Variants in PARP15 observed in about 807,000 individuals in gnomAD.
The protein encoded by PARP15 is poly(ADP-ribose) polymerase family member 15.
PARP15 carries 50 observed loss-of-function variants against 62.1 expected under a neutral mutation model. That is an observed-to-expected ratio of 0.81 (90% CI 0.64 to 1.02). The LOEUF (loss-of-function observed/expected upper bound fraction) is 1.02. Among genes scored for constraint, PARP15 ranks in the 50% least tolerant of loss-of-function variants. The probability of loss-of-function intolerance (pLI) is 0.00; values close to 1 mark genes in which losing one functional copy is unlikely to be tolerated. For missense variants in PARP15, 820 were observed against 826.5 expected, an observed-to-expected ratio of 0.99 and a Z score of 0.10; for synonymous variants, 309 against 293.1, an observed-to-expected ratio of 1.05 and a Z score of -0.55.
intron 6 of PARP15, 136 bp downstream of exon 6, chr3:122,617,300 T>A: frequency 1.1e-6 from 1 of 902,620 alleles, no homozygotes; most frequent in Non-Finnish European, 1.7e-6. Context: ...AAGACGTGGG[T>A]TGAATCCCAG....
intron 6 of PARP15, among the ~76,000 whole-genome samples, chr3:122,618,274 T>C (rs959796051): frequency 7.2e-5 from 11 of 152,132 alleles, no homozygotes; most frequent in Non-Finnish European, 1.2e-4. Flanking sequence ...TTTATCCCTG[T>C]CCCCTTTTGG....
intron 3 of PARP15, among the ~76,000 whole-genome samples, chr3:122,611,453 C>T (rs1368213490): frequency 6.6e-6 from 1 of 151,734 alleles, no homozygotes. Context: ...ATTCTCCTGC[C>T]TCAGCCTCCT....
At chr3:122,581,206 A>G (rs546471418) in intron 1 of PARP15, among the ~76,000 whole-genome samples, 1 of 152,250 alleles carries the variant, frequency 6.6e-6, no homozygotes, top group South Asian at 2.1e-4. Flanking sequence ...CCTGTTTTCA[A>G]TTCTTTTGTA....
rs553165363 is a variant in PARP15 at position 122,632,308 on chromosome 3, G to A, written c.1572+89G>A. On this transcript the variant is annotated intron_variant, in intron 10 of 11. Coordinates refer to ENST00000464300, the MANE Select transcript of PARP15 (RefSeq NM_001113523.3). ...TTTAAATAACACCCTTCCTTCCTTT[G>A]TACCTTACTATGTTTATTTTAACTG... is the stretch of plus-strand genomic sequence containing the variant. The A allele has an allele frequency of 3.0e-5, 37 of 1,242,562 alleles. No homozygotes were observed. The East Asian group carries it at 8.5e-4, about 29-fold the overall frequency. The allele number at this position is 1,242,562 out of a possible 1,614,324, so 77.0% of individuals were successfully genotyped here.
chr3:122,632,546 G>A (rs778394189), intron 10 of PARP15, among the ~76,000 whole-genome samples: 6 of 152,200 alleles, frequency 3.9e-5, no homozygotes, highest in African/African-American at 9.6e-5. Flanking sequence ...CTGATCCAGC[G>A]GCTTGATGGT....
At chr3:122,608,406 G>A (rs1263842659) in intron 2 of PARP15, among the ~76,000 whole-genome samples, 1 of 151,844 alleles carries the variant, frequency 6.6e-6, no homozygotes, top group Non-Finnish European at 1.5e-5. Context: ...AGTAGAGACC[G>A]GGTTTTGCCA....
rs566191534 is a variant in PARP15 at position 122,594,276 on chromosome 3, G to C, written c.187-11660G>C. ...TGATGGGACACTGCATTCCAGCCTA[G>C]GCAACAGAAAAACAACAACAACAAC... On this transcript the variant is annotated intron_variant, in intron 1 of 11. Coordinates refer to ENST00000464300, the MANE Select transcript of PARP15 (RefSeq NM_001113523.3). Among the ~76,000 whole-genome samples the C allele has an allele frequency of 3.3e-5, 5 of 152,098 alleles. No individual in the cohort carries two copies. In the South Asian group the frequency reaches 1.0e-3, roughly 32 times the overall value.
intron 10 of PARP15, among the ~76,000 whole-genome samples, chr3:122,632,867 C>G (rs1256231271): frequency 6.6e-6 from 1 of 152,136 alleles, no homozygotes; most frequent in Admixed American, 6.5e-5. Flanking sequence ...CATCCTAGAA[C>G]TATAAGTAGG....
In PARP15 at chr3:122,638,738, C is replaced by G. The variant is rs1207681176; in HGVS notation, c.*2638C>G. 6.6e-6 allele frequency: 1 copy of G among 152,048 alleles called. No individual in the cohort carries two copies. The highest frequency in any genetic ancestry group is 2.4e-5 in the African/African-American group (1 of 41,418). 9.4% of individuals were successfully genotyped at this position (152,048 alleles called of 1,614,324 possible). On this transcript the variant is annotated 3_prime_UTR_variant, in exon 12 of 12. Transcript: ENST00000464300. ...TGAGTAGATTGCAAAAATTTTCTCC[C>G]ATTCTGTAGGTTGCCTGTTCACTCT...
intron 4 of PARP15, 21 bp downstream of exon 4, chr3:122,613,289 T>C: frequency 3.3e-6 from 5 of 1,507,480 alleles, no homozygotes; most frequent in Non-Finnish European, 4.5e-6. Flanking sequence ...ATATCCCATC[T>C]GGTTAATTCT....
chr3:122,611,023 C>A (rs573331018), intron 3 of PARP15, among the ~76,000 whole-genome samples: 3 of 152,286 alleles, frequency 2.0e-5, no homozygotes, highest in African/African-American at 7.2e-5. Flanking sequence ...GAATTCATCA[C>A]AACTACCAGT....
rs1935697113 is a variant in PARP15, at chr3:122,613,189, G to A, written c.692G>A (p.Ser231Asn). Residue 231 changes from serine to asparagine, a missense_variant, in exon 4 of 12, where the codon AGT becomes AAT. Transcript: ENST00000464300. ...KLILSEVFEY[S>N]SSTRPITSPL... The stretch of plus-strand genomic sequence containing the variant: ...ATCCTTTCAGAAGTGTTCGAATACA[G>A]TAGCAGCACAAGGCCGATAACTAGC... 1.9e-6 allele frequency: 3 copies of A among 1,551,678 alleles called. No homozygotes were observed. In the Admixed American group the frequency reaches 5.9e-5, roughly 30 times the overall value.
chr3:122,593,473 G>A (rs1934108730), intron 1 of PARP15, among the ~76,000 whole-genome samples: 1 of 151,934 alleles, frequency 6.6e-6, no homozygotes, highest in African/African-American at 2.4e-5. Context: ...TTTTATCTAT[G>A]TTATTAAGAT....
Position 122,577,784 on chromosome 3 carries a change from G to C in PARP15, c.117G>C (p.Ala39=), listed in dbSNP as rs1417401706. Reference sequence around the variant, plus strand: ...CCAGAGCCGGACGAGATCGGGAGGCGGGGAGCGTGCTGCCGGCCGGGAACC... The same window carrying C: ...CCAGAGCCGGACGAGATCGGGAGGCCGGGAGCGTGCTGCCGGCCGGGAACC... ...VTSRAGRDRE[A]GSVLPAGNRG... The change falls in exon 1 of 12, where the codon GCG becomes GCC. Residue 39 remains alanine, a synonymous_variant. Transcript: ENST00000464300. The C allele has an allele frequency of 6.4e-7, 1 of 1,551,490 alleles. No homozygotes were observed. The highest frequency in any genetic ancestry group is 8.7e-7 in the Non-Finnish European group (1 of 1,146,900).
intron 8 of PARP15, among the ~76,000 whole-genome samples, chr3:122,624,124 A>AT (rs886635160): frequency 1.3e-5 from 2 of 151,850 alleles, no homozygotes; most frequent in Admixed American, 6.6e-5. Flanking sequence ...GCACTCCAGC[A>AT]TGGGCAACAA....
At chr3:122,620,621 C>T (rs986223591) in intron 7 of PARP15, among the ~76,000 whole-genome samples, 14 of 151,606 alleles carry the variant, frequency 9.2e-5, no homozygotes, top group African/African-American at 2.7e-4. Flanking sequence ...AACATGAGGA[C>T]GTTAGCAGGT....
At chr3:122,610,436 G>A in intron 2 of PARP15, 58 bp from the exon 3 acceptor site, 2 of 1,413,480 alleles carry the variant, frequency 1.4e-6, no homozygotes, top group Non-Finnish European at 1.9e-6. Context: ...TAAATTTACA[G>A]TTGCTCCATC....
At chr3:122,627,976 A>T (rs138029092) in intron 9 of PARP15, among the ~76,000 whole-genome samples, 3 of 152,358 alleles carry the variant, frequency 2.0e-5, no homozygotes, top group African/African-American at 7.2e-5. Context: ...TATAAAGCCC[A>T]CACATTCCTG....
intron 9 of PARP15, among the ~76,000 whole-genome samples, chr3:122,631,215 G>A (rs1010656019): frequency 3.3e-5 from 5 of 152,310 alleles, no homozygotes; most frequent in Admixed American, 6.5e-5. Flanking sequence ...CAGAAATCAC[G>A]CACCTTATTG....
Sources: allele counts gnomAD v4.1 joint callset (sites outside exome capture counted in the v4.1 genomes callset), GRCh38; gene constraint gnomAD v4.1.1; transcripts MANE v1.5; gene names NCBI Gene and HGNC (gene_info 2026-07-23, HGNC 2026-07-21).